The following CCDC138 variants were observed in gnomAD, a reference collection of about 807,000 sequenced individuals.
The protein encoded by CCDC138 is coiled-coil domain-containing protein 138.
Under a neutral mutation model 82.3 loss-of-function variants are expected in CCDC138, and 66 were observed. The ratio of observed to expected loss-of-function variants is 0.80; its 90% CI spans 0.66 to 0.98. CCDC138 has a LOEUF of 0.98. Ranked by LOEUF, CCDC138 falls within the 50% of genes least tolerant of loss-of-function variation. The pLI, the probability that CCDC138 is intolerant of heterozygous loss-of-function variation, is 0.00. For missense variants in CCDC138, 816 were observed against 758.9 expected (o/e 1.08, Z -0.88); for synonymous variants, 297 against 265.4 (o/e 1.12, Z -1.16).
chr2:108,851,238 C>G (rs1038576206), intron 12 of CCDC138, among the ~76,000 whole-genome samples: 1 of 152,146 alleles, frequency 6.6e-6, no homozygotes. Context: ...CCAGAAATCT[C>G]CATATGTCCA....
intron 12 of CCDC138, among the ~76,000 whole-genome samples, chr2:108,850,333 A>G (rs1691243457): frequency 6.6e-6 from 1 of 152,246 alleles, no homozygotes; most frequent in South Asian, 2.1e-4. Context: ...GATACTACAC[A>G]TAATATTAAC....
At chr2:108,791,459 A>G (rs1679889258) in intron 3 of CCDC138, 2 of 545,706 alleles carry the variant, frequency 3.7e-6, no homozygotes, top group Non-Finnish European at 6.8e-6. Flanking sequence ...AATTAAGTCT[A>G]TTTAATGTGT....
Position 108,791,749 on chromosome 2 carries a change from A to G in CCDC138, c.341A>G (p.Tyr114Cys). Residue 114 changes from tyrosine to cysteine, a missense_variant, in exon 4 of 15, where the codon TAT (tyrosine) becomes TGT (cysteine). Tyr to Cys is a radical substitution (Grantham distance 194). Transcript: ENST00000295124. ...GAAGAAGAGTTAATTGAAAATGATT[A>G]TAGAGTTAGTACCTCGAAAATAACC... The part of the protein sequence containing the change: ...ETEEELIEND[Y>C]RVSTSKITKQ... 6.2e-7 allele frequency: 1 copy of G among 1,606,034 alleles called. No homozygotes were observed. The highest frequency in any genetic ancestry group is 8.5e-7 in the Non-Finnish European group (1 of 1,174,750).
At chr2:108,878,938 AATAT>A (rs1696199871), downstream of CCDC138, among the ~76,000 whole-genome samples, 1 of 152,218 alleles carries the variant, frequency 6.6e-6, no homozygotes, top group Non-Finnish European at 1.5e-5. Flanking sequence ...AAAGAAATGA[AATAT>A]ATAGATATAG....
intron 7 of CCDC138, among the ~76,000 whole-genome samples, chr2:108,812,147 A>G (rs1396917611): frequency 1.3e-5 from 2 of 152,282 alleles, no homozygotes; most frequent in African/African-American, 2.4e-5. Flanking sequence ...TAAATTGAAG[A>G]TATGTTCATG....
rs896059293 is a variant in CCDC138 at position 108,804,919 on chromosome 2, G to A, written c.766G>A (p.Glu256Lys). The change falls in exon 7 of 15, where the codon GAA becomes AAA. Residue 256 changes from glutamate (E) to lysine (K), a missense_variant. By Grantham distance (56) the Glu-to-Lys change is moderately conservative (BLOSUM62 1). Transcript: ENST00000295124. ...QHDAEVEHLT[E>K]VLKEKNKETK... The stretch of plus-strand genomic sequence containing the variant: ...TGATGCAGAAGTTGAACACTTAACC[G>A]AAGTTCTTAAGGAAAAGAATAAAGA... The A allele has an allele frequency of 1.3e-5, 20 of 1,559,936 alleles. No individual in the cohort carries two copies. The highest frequency in any genetic ancestry group is 4.2e-5 in the Admixed American group (2 of 47,570).
intron 13 of CCDC138, among the ~76,000 whole-genome samples, chr2:108,858,574 A>G (rs1407258388): frequency 2.6e-5 from 4 of 152,214 alleles, no homozygotes; most frequent in Non-Finnish European, 4.4e-5. Context: ...AGTACGATTT[A>G]TTAGAGCGAG....
rs149855503 is a variant in CCDC138 at position 108,824,504 on chromosome 2, A to G, written c.1206+8399A>G. Among the ~76,000 whole-genome samples, 44 of 152,328 alleles carry G rather than the reference A, an allele frequency of 2.9e-4. No individual in the cohort carries two copies. The East Asian group carries it at 6.9e-3, about 24-fold the overall frequency. Reference sequence around the variant, plus strand: ...GTTCCACTGGAAGGTCTTCGGGGCAATAACACACATATAGCTATCAGCTCC... The same window carrying G: ...GTTCCACTGGAAGGTCTTCGGGGCAGTAACACACATATAGCTATCAGCTCC... On this transcript the variant is annotated intron_variant, in intron 10 of 14. Transcript: ENST00000295124.
chr2:108,840,804 CT>C lies in CCDC138; in HGVS notation c.1323+1510del, dbSNP rs1314287342. On this transcript the variant is annotated intron_variant, in intron 11 of 14. Transcript: ENST00000295124. ...GTTTCATTTCTTTTTTTCTTTTTTT[CT>C]TTTTTTCTTTTTATTTTTTTGAGAC... Among the ~76,000 whole-genome samples the C allele has an allele frequency of 3.3e-5, 5 of 150,564 alleles. No homozygotes were observed. The East Asian group carries it at 9.7e-4, about 29-fold the overall frequency.
chr2:108,846,650 C>T, intron 11 of CCDC138, 88 bp from the exon 12 acceptor site: 1 of 1,188,526 alleles, frequency 8.4e-7, no homozygotes, highest in Non-Finnish European at 1.2e-6. Flanking sequence ...GCATTCCAAC[C>T]TGGGCAACAG....
chr2:108,847,077 T>C, intron 12 of CCDC138, 147 bp downstream of exon 12: 1 of 595,630 alleles, frequency 1.7e-6, no homozygotes, highest in Non-Finnish European at 2.9e-6. Flanking sequence ...AAAAAGCTAC[T>C]TTTATTTGCT....
At chr2:108,817,869 A>G (rs1685058352) in intron 10 of CCDC138, among the ~76,000 whole-genome samples, 1 of 152,228 alleles carries the variant, frequency 6.6e-6, no homozygotes, top group Admixed American at 6.5e-5. Context: ...CGGCAGCAAT[A>G]GGACACAAAT....
At chr2:108,820,681 G>T (rs79021343) in intron 10 of CCDC138, among the ~76,000 whole-genome samples, 3,390 of 140,316 alleles carry the variant, frequency 0.024, 135 homozygotes, top group African/African-American at 0.087. Context: ...CAGGCAGTGG[G>T]ATGATACATT....
chr2:108,803,589 A>G (rs1315159650), intron 6 of CCDC138, among the ~76,000 whole-genome samples: 2 of 152,124 alleles, frequency 1.3e-5, no homozygotes, highest in Non-Finnish European at 2.9e-5. Context: ...ACAGATGTGC[A>G]CCACTGTGCC....
At chr2:108,880,727 G>T (rs923637316), downstream of CCDC138, among the ~76,000 whole-genome samples, 4 of 152,136 alleles carry the variant, frequency 2.6e-5, no homozygotes, top group African/African-American at 9.7e-5. Context: ...CTTTAAGCCT[G>T]CTGTTGAGAC....
At chr2:108,792,209 G>T (rs1680016556) in intron 4 of CCDC138, among the ~76,000 whole-genome samples, 1 of 152,174 alleles carries the variant, frequency 6.6e-6, no homozygotes, top group African/African-American at 2.4e-5. Context: ...ACCAGAAATG[G>T]CACCCTTCAC....
intron 13 of CCDC138, among the ~76,000 whole-genome samples, chr2:108,863,294 C>T (rs1693913834): frequency 6.6e-6 from 1 of 152,198 alleles, no homozygotes; most frequent in Non-Finnish European, 1.5e-5. Context: ...ACATACATAT[C>T]ATCTGTTTTC....
At chr2:108,860,875 G>T (rs1693457139) in intron 13 of CCDC138, among the ~76,000 whole-genome samples, 1 of 143,808 alleles carries the variant, frequency 7.0e-6, no homozygotes, top group South Asian at 2.2e-4. Flanking sequence ...CAATAGAATT[G>T]GTATCAGCTC....
intron 11 of CCDC138, among the ~76,000 whole-genome samples, chr2:108,845,164 G>T (rs1690229604): frequency 6.6e-6 from 1 of 152,074 alleles, no homozygotes; most frequent in Non-Finnish European, 1.5e-5. Context: ...CTTATTGTAA[G>T]TAGAGTTTTG....
Sources: allele counts gnomAD v4.1 joint callset (sites outside exome capture counted in the v4.1 genomes callset), GRCh38; gene constraint gnomAD v4.1.1; transcripts MANE v1.5; gene names NCBI Gene and HGNC (gene_info 2026-07-23, HGNC 2026-07-21).